AJAP1: variants seen among roughly 807,000 people sequenced by gnomAD.
The protein encoded by AJAP1 is adherens junction-associated protein 1.
Under a neutral mutation model 35.0 loss-of-function variants are expected in AJAP1, and 5 were observed. The observed-to-expected ratio is 0.14, with a 90% CI of 0.07 to 0.30. AJAP1 has a LOEUF of 0.30. Ranked by LOEUF, AJAP1 falls within the 10% of genes least tolerant of loss-of-function variation. AJAP1 has a pLI of 1.00. For synonymous variants in AJAP1, 284 were observed against 249.3 expected, an observed-to-expected ratio of 1.14 and a Z score of -1.31; for missense variants, 586 against 571.0, an observed-to-expected ratio of 1.03 and a Z score of -0.27.
At chr1:4,772,148 G>T (rs1641849120) in intron 3 of AJAP1, 132 bp from the exon 4 acceptor site, 30 of 1,146,822 alleles carry the variant, frequency 2.6e-5, no homozygotes, top group Non-Finnish European at 3.5e-5. Flanking sequence ...AAGAGGCTGG[G>T]AATTACCGTT....
intron 1 of AJAP1, among the ~76,000 whole-genome samples, chr1:4,703,263 A>G (rs1275244804): frequency 6.6e-6 from 1 of 152,186 alleles, no homozygotes; most frequent in Non-Finnish European, 1.5e-5. Flanking sequence ...TGCAGAAGAA[A>G]GTGGGTGTTC....
At chr1:4,773,772 G>A (rs1038143970) in intron 4 of AJAP1, among the ~76,000 whole-genome samples, 1 of 152,332 alleles carries the variant, frequency 6.6e-6, no homozygotes, top group South Asian at 2.1e-4. Context: ...TGGGCCGTGT[G>A]GGTAGAGGGC....
At chr1:4,701,686 A>G (rs1322453952) in intron 1 of AJAP1, among the ~76,000 whole-genome samples, 1 of 152,212 alleles carries the variant, frequency 6.6e-6, no homozygotes. Context: ...GATATTGCCA[A>G]ATGTCCCCTG....
intron 2 of AJAP1, among the ~76,000 whole-genome samples, chr1:4,768,490 A>G (rs1641743363): frequency 6.6e-6 from 1 of 152,238 alleles, no homozygotes; most frequent in Admixed American, 6.5e-5. Flanking sequence ...GAGAGGTAAC[A>G]TCTGTTTAAG....
At chr1:4,727,738 C>T (rs574303160) in intron 2 of AJAP1, among the ~76,000 whole-genome samples, 3 of 152,308 alleles carry the variant, frequency 2.0e-5, no homozygotes, top group East Asian at 1.9e-4. Context: ...TGGGACTCTC[C>T]CATGTTTAGT....
At chr1:4,717,916 G>T (rs1330408135) in intron 2 of AJAP1, among the ~76,000 whole-genome samples, 18 of 152,308 alleles carry the variant, frequency 1.2e-4, no homozygotes, top group Admixed American at 1.2e-3. Context: ...TTGCTACCAG[G>T]GAAGTGAATC....
rs72857970 is a variant in AJAP1, at chr1:4,698,918, G to T, written c.30-12982G>T. On this transcript the variant is annotated intron_variant, in intron 1 of 5. Transcript: ENST00000378191. ...GATGGTCCAGCGGGGAGTGGCTTGG[G>T]CAGGGTTGCAGGCAGCTAAGGGGTC... Among the ~76,000 whole-genome samples the T allele has an allele frequency of 9.0e-3, 1,365 of 152,264 alleles. 18 individuals carry two copies. Among genetic ancestry groups the T allele is most frequent in the African/African-American group, 0.031 (1,299 of 41,538 alleles).
chr1:4,742,847 A>G (rs572212687), intron 2 of AJAP1, among the ~76,000 whole-genome samples: 50 of 152,304 alleles, frequency 3.3e-4, no homozygotes, highest in Admixed American at 1.8e-3. Flanking sequence ...AGGTTGCTGC[A>G]CTATGAATGG....
intron 2 of AJAP1, among the ~76,000 whole-genome samples, chr1:4,747,911 G>A (rs768999025): frequency 1.3e-4 from 19 of 151,270 alleles, no homozygotes; most frequent in Non-Finnish European, 2.7e-4. Context: ...AGAATCACTT[G>A]AGCCCTGGAG....
intron 2 of AJAP1, among the ~76,000 whole-genome samples, chr1:4,714,448 T>C (rs1350038634): frequency 6.6e-6 from 1 of 152,238 alleles, no homozygotes; most frequent in African/African-American, 2.4e-5. Context: ...TCACCTCCTC[T>C]GTATACGTCA....
chr1:4,781,714 A>T (rs1642067006), intron 5 of AJAP1, among the ~76,000 whole-genome samples: 1 of 152,224 alleles, frequency 6.6e-6, no homozygotes, highest in African/African-American at 2.4e-5. Context: ...TGTGACGGAG[A>T]TGCAGCTTTG....
intron 1 of AJAP1, among the ~76,000 whole-genome samples, chr1:4,694,717 T>C (rs1247156523): frequency 1.3e-5 from 2 of 152,172 alleles, no homozygotes; most frequent in Non-Finnish European, 2.9e-5. Flanking sequence ...TGGTGCCCCA[T>C]GTGGCTGCAG....
intron 2 of AJAP1, among the ~76,000 whole-genome samples, chr1:4,742,288 G>A (rs965992196): frequency 9.8e-5 from 15 of 152,292 alleles, no homozygotes; most frequent in East Asian, 7.7e-4. Flanking sequence ...GATTGGAGTC[G>A]CTGAGAACAC....
At position 4,772,490 on chromosome 1, in the gene AJAP1, G is replaced by T; in HGVS notation, c.1128G>T (p.Thr376=). The change falls in exon 4 of 6, where the codon ACG becomes ACT. Residue 376 remains threonine, a synonymous_variant. Transcript: ENST00000378191. The part of the protein sequence containing the change: ...PVYTDETLHS[T]TGEYKSTFNG... ...ACACCGATGAGACGCTGCACTCGAC[G>T]ACGGGGGAGTACAAATCCACATTTA... The T allele has an allele frequency of 2.5e-6, 4 of 1,614,198 alleles. No individual in the cohort carries two copies. The highest frequency in any genetic ancestry group is 3.4e-6 in the Non-Finnish European group (4 of 1,180,038).
intron 2 of AJAP1, among the ~76,000 whole-genome samples, chr1:4,762,218 T>C (rs532246769): frequency 1.4e-4 from 21 of 152,330 alleles, no homozygotes; most frequent in African/African-American, 4.8e-4. Context: ...GTGTCTGCCA[T>C]GTCTTAGCTG....
At chr1:4,764,042 C>T (rs1209554146) in intron 2 of AJAP1, among the ~76,000 whole-genome samples, 1 of 149,858 alleles carries the variant, frequency 6.7e-6, no homozygotes, top group Non-Finnish European at 1.5e-5. Context: ...TCCATCTTCT[C>T]CTGCCCTTGG....
chr1:4,765,832 C>T (rs57646199), intron 2 of AJAP1, among the ~76,000 whole-genome samples: 34,399 of 152,032 alleles, frequency 0.23, 4,286 homozygotes, highest in Middle Eastern at 0.33. Context: ...CAAGTGGCTT[C>T]ATATGGACAA....
intron 2 of AJAP1, among the ~76,000 whole-genome samples, chr1:4,728,312 C>T (rs1640716728): frequency 6.6e-6 from 1 of 152,134 alleles, no homozygotes; most frequent in Non-Finnish European, 1.5e-5. Context: ...AGCACGGGGC[C>T]CTTCCGATGG....
rs771247547 is a variant in AJAP1, at chr1:4,734,027, C to T, written c.829+21328C>T. On this transcript the variant is annotated intron_variant, in intron 2 of 5. Coordinates refer to ENST00000378191, the MANE Select transcript of AJAP1 (RefSeq NM_018836.4). This position sits in a 1 kb window ranked among gnomAD's most constrained non-coding sequence, Gnocchi z 4.3. Reference sequence around the variant, plus strand: ...GGGCCCTTGCCGGAGCTCCAATTAGCGGCTTTTGTAAGCGATCACGTACCG... The same window carrying T: ...GGGCCCTTGCCGGAGCTCCAATTAGTGGCTTTTGTAAGCGATCACGTACCG... Among the ~76,000 whole-genome samples, 13 of 152,328 alleles carry T rather than the reference C, an allele frequency of 8.5e-5. No homozygotes were observed. The highest frequency in any genetic ancestry group is 7.7e-4 in the East Asian group (4 of 5,174).
Sources: allele counts gnomAD v4.1 joint callset (sites outside exome capture counted in the v4.1 genomes callset), GRCh38; gene constraint gnomAD v4.1.1; non-coding constraint Gnocchi (gnomAD v3.1); transcripts MANE v1.5; gene names NCBI Gene and HGNC (gene_info 2026-07-23, HGNC 2026-07-21).